FGF12: variants seen among roughly 807,000 people sequenced by gnomAD.
FGF12 encodes fibroblast growth factor 12B.
FGF12 carries 14 observed loss-of-function variants against 23.6 expected under a neutral mutation model. The ratio of observed to expected loss-of-function variants is 0.59; its 90% CI spans 0.39 to 0.93. The LOEUF (loss-of-function observed/expected upper bound fraction) is 0.93, where lower values mean the gene tolerates loss of function less well. Among genes scored for constraint, FGF12 ranks in the 40% least tolerant of loss-of-function variants. The pLI, the probability that FGF12 is intolerant of heterozygous loss-of-function variation, is 0.00. For missense variants in FGF12, 175 were observed against 217.8 expected, an observed-to-expected ratio of 0.80 and a Z score of 1.24; for synonymous variants, 62 against 77.3, an observed-to-expected ratio of 0.80 and a Z score of 1.04.
At chr3:192,656,000 A>C (rs1335955152) in intron 2 of FGF12, among the ~76,000 whole-genome samples, 2 of 145,136 alleles carry the variant, frequency 1.4e-5, no homozygotes, top group Non-Finnish European at 3.0e-5. Context: ...AAGAAACGTT[A>C]CATGCCAGAA....
At chr3:192,523,950 A>G (rs893260933) in intron 2 of FGF12, among the ~76,000 whole-genome samples, 8 of 152,230 alleles carry the variant, frequency 5.3e-5, no homozygotes, top group African/African-American at 1.7e-4. Flanking sequence ...ATGCAGATAG[A>G]AAAAGGATAT....
At chr3:192,520,989 T>G (rs1724799317) in intron 2 of FGF12, among the ~76,000 whole-genome samples, 1 of 152,214 alleles carries the variant, frequency 6.6e-6, no homozygotes, top group Admixed American at 6.5e-5. Flanking sequence ...CTGTGAGAAA[T>G]ACACTCTGTG....
At position 192,698,959 on chromosome 3, in the gene FGF12, A is replaced by G. The variant is rs13068354; in HGVS notation, c.13+28222T>C. Among the ~76,000 whole-genome samples, 6 of 152,290 alleles carry G rather than the reference A, an allele frequency of 3.9e-5. 1 individual carries two copies. In the South Asian group the frequency reaches 6.2e-4, roughly 16 times the overall value. Reference sequence around the variant, plus strand: ...TATTAGTCCCCTTTGACCCTTTCAGAAAAGTTCCGTATGTTAATGCTTTAA... The same window carrying G: ...TATTAGTCCCCTTTGACCCTTTCAGGAAAGTTCCGTATGTTAATGCTTTAA... On this transcript the variant is annotated intron_variant, in intron 2 of 5. Coordinates refer to ENST00000445105, the MANE Select transcript of FGF12 (RefSeq NM_004113.6).
chr3:192,268,485 G>A (rs1297127149), intron 4 of FGF12, among the ~76,000 whole-genome samples: 1 of 152,154 alleles, frequency 6.6e-6, no homozygotes, highest in African/African-American at 2.4e-5. Flanking sequence ...TTGGAGGTGG[G>A]GCCTGGTGGG....
At chr3:192,525,506 T>C (rs938377740) in intron 2 of FGF12, among the ~76,000 whole-genome samples, 1 of 152,182 alleles carries the variant, frequency 6.6e-6, no homozygotes, top group Non-Finnish European at 1.5e-5. Flanking sequence ...ATTCTTGCCT[T>C]CCTTCAGGCC....
At chr3:192,367,393 T>C (rs1180653953) in intron 2 of FGF12, among the ~76,000 whole-genome samples, 1 of 152,206 alleles carries the variant, frequency 6.6e-6, no homozygotes, top group African/African-American at 2.4e-5. Flanking sequence ...TAAATGTGAT[T>C]CTTGTCAAGG....
intron 4 of FGF12, among the ~76,000 whole-genome samples, chr3:192,187,984 A>G (rs1716569883): frequency 6.6e-6 from 1 of 152,166 alleles, no homozygotes. Context: ...GAGGTTTAGA[A>G]AGTGGAGACA....
chr3:192,260,507 C>T (rs910790162), intron 4 of FGF12, among the ~76,000 whole-genome samples: 3 of 152,120 alleles, frequency 2.0e-5, no homozygotes, highest in East Asian at 1.9e-4. Flanking sequence ...ATCAACCCAG[C>T]GGATACCATA....
intron 4 of FGF12, among the ~76,000 whole-genome samples, chr3:192,289,386 G>T (rs1256625929): frequency 2.0e-5 from 3 of 152,118 alleles, no homozygotes; most frequent in African/African-American, 7.2e-5. Flanking sequence ...AACGTGACTG[G>T]TGATTTGGAG....
intron 2 of FGF12, among the ~76,000 whole-genome samples, chr3:192,433,358 T>C (rs1323273385): frequency 6.6e-6 from 1 of 152,208 alleles, no homozygotes; most frequent in Non-Finnish European, 1.5e-5. Flanking sequence ...CTGAAGCTTA[T>C]ATAACTTGGG....
chr3:192,335,507 TGA>T, intron 3 of FGF12, 43 bp from the exon 4 acceptor site: 1 of 1,155,058 alleles, frequency 8.7e-7, no homozygotes, highest in Non-Finnish European at 1.3e-6. Context: ...AGTGACCTTT[TGA>T]ATAAATAATC....
chr3:192,462,817 A>G (rs1209476235), intron 2 of FGF12, among the ~76,000 whole-genome samples: 1 of 152,210 alleles, frequency 6.6e-6, no homozygotes, highest in Non-Finnish European at 1.5e-5. Context: ...AATGATATAT[A>G]TTAATTATAC....
chr3:192,324,118 T>A (rs945818380), intron 4 of FGF12, among the ~76,000 whole-genome samples: 1 of 137,938 alleles, frequency 7.2e-6, no homozygotes, highest in Admixed American at 6.9e-5. Context: ...ATTAATTAAA[T>A]AAAATATCAT....
At chr3:192,430,572 C>A (rs985346151) in intron 2 of FGF12, among the ~76,000 whole-genome samples, 1 of 152,134 alleles carries the variant, frequency 6.6e-6, no homozygotes, top group Non-Finnish European at 1.5e-5. Context: ...TTATTTCAAC[C>A]TCACCCCTGC....
intron 2 of FGF12, among the ~76,000 whole-genome samples, chr3:192,694,871 G>A (rs894240263): frequency 1.3e-5 from 2 of 152,052 alleles, no homozygotes; most frequent in Non-Finnish European, 2.9e-5. Flanking sequence ...ACCAAAGTTG[G>A]AAGGTGGGGA....
chr3:192,280,923 T>C (rs1714105791), intron 4 of FGF12, among the ~76,000 whole-genome samples: 1 of 152,192 alleles, frequency 6.6e-6, no homozygotes, highest in Non-Finnish European at 1.5e-5. Flanking sequence ...TGAAGCCTTA[T>C]TTATTCTTGA....
intron 2 of FGF12, among the ~76,000 whole-genome samples, chr3:192,591,372 G>A (rs1713616261): frequency 6.6e-6 from 1 of 151,656 alleles, no homozygotes; most frequent in Non-Finnish European, 1.5e-5. Flanking sequence ...TCGGCTCCCA[G>A]TTTTAATGCC....
chr3:192,432,212 G>A (rs1194463233), intron 2 of FGF12, among the ~76,000 whole-genome samples: 1 of 152,164 alleles, frequency 6.6e-6, no homozygotes, highest in Non-Finnish European at 1.5e-5. Flanking sequence ...CCTTTAAGTA[G>A]CTGAGAGTCT....
chr3:192,691,215 C>A (rs1424029370), intron 2 of FGF12, among the ~76,000 whole-genome samples: 2 of 152,076 alleles, frequency 1.3e-5, no homozygotes, highest in Non-Finnish European at 2.9e-5. Flanking sequence ...ACATTCTATC[C>A]ATCAGCAACA....
Sources: gnomAD v4.1 joint callset for allele counts (sites outside exome capture counted in the v4.1 genomes callset) on GRCh38, gnomAD v4.1.1 for gene constraint, MANE v1.5 for transcripts, NCBI Gene and HGNC (gene_info 2026-07-23, HGNC 2026-07-21) for gene names.